The following NFIA variants were observed in gnomAD, a reference collection of about 807,000 sequenced individuals.
NFIA encodes nuclear factor 1 A-type.
A neutral mutation model predicts 62.8 loss-of-function variants in NFIA; 8 were observed. That is an observed-to-expected ratio of 0.13 (90% CI 0.07 to 0.23). The LOEUF is 0.23. NFIA is among the 10% of genes least tolerant of loss of function. The pLI, the probability that NFIA is intolerant of heterozygous loss-of-function variation, is 1.00. For synonymous variants in NFIA, 235 were observed against 238.1 expected, an observed-to-expected ratio of 0.99 and a Z score of 0.12; for missense variants, 410 against 642.1, an observed-to-expected ratio of 0.64 and a Z score of 3.91.
chr1:61,422,179 T>C (rs1283765750), intron 9 of NFIA, among the ~76,000 whole-genome samples: 2 of 152,122 alleles, frequency 1.3e-5, no homozygotes, highest in East Asian at 3.9e-4. Context: ...ACAAGAATCA[T>C]TTGAGCTCAA....
chr1:61,099,721 A>G (rs193067194), intron 2 of NFIA, among the ~76,000 whole-genome samples: 26 of 152,324 alleles, frequency 1.7e-4, no homozygotes, highest in Non-Finnish European at 3.7e-4. Context: ...GGCCACACCA[A>G]CAGTTAAGAG....
At chr1:61,083,314 G>A (rs1646152508) in intron 1 of NFIA, among the ~76,000 whole-genome samples, 1 of 152,146 alleles carries the variant, frequency 6.6e-6, no homozygotes, top group Admixed American at 6.5e-5. Flanking sequence ...CAGTCCTCGG[G>A]TGCGGGGAGA....
At chr1:61,265,482 A>G (rs894829733) in intron 2 of NFIA, among the ~76,000 whole-genome samples, 1 of 152,166 alleles carries the variant, frequency 6.6e-6, no homozygotes, top group African/African-American at 2.4e-5. Flanking sequence ...GAAGAATCAG[A>G]TATTACCTGA....
chr1:61,161,242 G>A (rs531353420), intron 2 of NFIA, among the ~76,000 whole-genome samples: 1 of 152,212 alleles, frequency 6.6e-6, no homozygotes, highest in Non-Finnish European at 1.5e-5. Flanking sequence ...AGTCATTTAC[G>A]GTTACGTTTC....
intron 2 of NFIA, among the ~76,000 whole-genome samples, chr1:61,243,246 A>G (rs1330130167): frequency 2.0e-5 from 3 of 152,182 alleles, no homozygotes; most frequent in African/African-American, 7.2e-5. Context: ...ACATAAAGCT[A>G]TGGAGGCATT....
intron 3 of NFIA, among the ~76,000 whole-genome samples, chr1:61,330,110 G>C (rs898420889): frequency 2.6e-5 from 4 of 152,186 alleles, no homozygotes; most frequent in Admixed American, 2.6e-4. Flanking sequence ...CGGGTTTTGG[G>C]TGCAGTAGAA....
At chr1:61,288,045 A>G (rs1390144965) in intron 3 of NFIA, among the ~76,000 whole-genome samples, 1 of 152,200 alleles carries the variant, frequency 6.6e-6, no homozygotes, top group Non-Finnish European at 1.5e-5. Context: ...ACAATAAACC[A>G]CTTGTGAGGC....
chr1:61,415,878 A>G (rs951559276), intron 9 of NFIA, among the ~76,000 whole-genome samples: 12 of 152,200 alleles, frequency 7.9e-5, no homozygotes, highest in African/African-American at 2.9e-4. Context: ...AAAAATGTAC[A>G]TAAAGTATTG....
rs191318568 is a variant in NFIA, at chr1:61,438,185, C to A, written c.1512+11629C>A. Among the ~76,000 whole-genome samples the A allele has an allele frequency of 4.6e-5, 7 of 152,172 alleles. No individual in the cohort carries two copies. In the East Asian group the frequency reaches 1.3e-3, roughly 29 times the overall value. ...ACCTGAGTTTGATCTCAGTATGTGA[C>A]CTTGGAATAATTTTTAGCCTTTCTG... On this transcript the variant is annotated intron_variant, in intron 10 of 10. Transcript: ENST00000403491.
In NFIA at chr1:61,455,606, G is replaced by A. The variant is rs1275917826; in HGVS notation, c.*286G>A. ...TTTGTAACATTTGAAGTGTTTCCAT[G>A]GTAGCGTGAGCATTAGGTGACGTGG... On this transcript the variant is annotated 3_prime_UTR_variant, in exon 11 of 11. Transcript: ENST00000403491. 41 of 498,806 alleles carry A rather than the reference G, an allele frequency of 8.2e-5. No individual in the cohort carries two copies. Among genetic ancestry groups the A allele is most frequent in the Non-Finnish European group, 1.0e-5 (3 of 286,950 alleles). 30.9% of individuals were successfully genotyped at this position (498,806 alleles called of 1,614,324 possible).
upstream of NFIA, chr1:61,081,778 A>G: frequency 8.0e-7 from 1 of 1,251,134 alleles, no homozygotes; most frequent in Non-Finnish European, 1.1e-6. Context: ...CACAGGACCG[A>G]AGCTGCACAA....
chr1:61,437,909 T>C lies in NFIA; in HGVS notation c.1512+11353T>C, dbSNP rs796901964. 2.0e-5 allele frequency among the ~76,000 whole-genome samples: 3 copies of C among 152,200 alleles called. No homozygotes were observed. The East Asian group carries it at 5.8e-4, about 29-fold the overall frequency. ...GCAGAAACATTAGATCAGAGTCTAG[T>C]CGTGAATAAATACATACCTTTTTCC... On this transcript the variant is annotated intron_variant, in intron 10 of 10. Coordinates refer to ENST00000403491, the MANE Select transcript of NFIA (RefSeq NM_001134673.4).
chr1:61,375,186 C>G (rs778677565), intron 6 of NFIA, among the ~76,000 whole-genome samples: 3 of 152,176 alleles, frequency 2.0e-5, no homozygotes. Context: ...TACTAGAGTG[C>G]AGTATAGCTC....
Position 61,088,802 on chromosome 1 carries a change from G to C in NFIA, c.559+122G>C. On this transcript the variant is annotated intron_variant, in intron 2 of 10. Coordinates refer to ENST00000403491, the MANE Select transcript of NFIA (RefSeq NM_001134673.4). The surrounding 1 kb of genome is among the most constrained non-coding windows in gnomAD (Gnocchi z 4.5). ...TGCAGGCCACGTACATGAAGCCAGT[G>C]TGGTTTCAAAGATTGAGAGAGGTGC... is the stretch of plus-strand genomic sequence containing the variant. 2.5e-6 allele frequency: 3 copies of C among 1,182,712 alleles called. No homozygotes were observed. Among genetic ancestry groups the C allele is most frequent in the Non-Finnish European group, 3.5e-6 (3 of 851,342 alleles). The allele number at this position is 1,182,712 out of a possible 1,614,324, so 73.3% of individuals were successfully genotyped here.
intron 5 of NFIA, among the ~76,000 whole-genome samples, chr1:61,357,767 A>G (rs543473985): frequency 1.4e-4 from 22 of 152,258 alleles, no homozygotes; most frequent in African/African-American, 5.3e-4. Flanking sequence ...CACAGTAGGT[A>G]TTTCATGAAT....
intron 2 of NFIA, chr1:61,249,911 ATGG>A (rs1655916929): frequency 6.6e-6 from 1 of 152,238 alleles, no homozygotes; most frequent in African/African-American, 2.4e-5. Flanking sequence ...GGAAGCAAAC[ATGG>A]TATGGGTTGG....
In NFIA at chr1:61,129,614, A is replaced by C. The variant is rs191753169; in HGVS notation, c.559+40934A>C. Among the ~76,000 whole-genome samples, 101 of 151,656 alleles carry C rather than the reference A, an allele frequency of 6.7e-4. 2 individuals carry two copies. The highest frequency in any genetic ancestry group is 2.3e-3 in the African/African-American group (97 of 41,328). On this transcript the variant is annotated intron_variant, in intron 2 of 10. Transcript: ENST00000403491. ...ATAGGTGCACGCCACCCGCCTGGGT[A>C]ATTTTTGTATTTTTAGTAGAGATGG...
At chr1:61,326,853 G>A (rs2100380033) in intron 3 of NFIA, among the ~76,000 whole-genome samples, 1 of 152,100 alleles carries the variant, frequency 6.6e-6, no homozygotes, top group South Asian at 2.1e-4. Flanking sequence ...CTGTATCAGG[G>A]GATGGCAGTG....
intron 10 of NFIA, among the ~76,000 whole-genome samples, chr1:61,434,181 T>C (rs911137323): frequency 6.6e-6 from 1 of 152,176 alleles, no homozygotes; most frequent in Non-Finnish European, 1.5e-5. Context: ...TGGTAAGGAC[T>C]GGCAGGAAGT....
Sources: gnomAD v4.1 joint callset for allele counts (sites outside exome capture counted in the v4.1 genomes callset) on GRCh38, gnomAD v4.1.1 for gene constraint, Gnocchi (gnomAD v3.1) non-coding constraint, MANE v1.5 for transcripts, NCBI Gene and HGNC (gene_info 2026-07-23, HGNC 2026-07-21) for gene names.